The following CCDC57 variants were observed in gnomAD, a reference collection of about 807,000 sequenced individuals.
CCDC57 encodes coiled-coil domain-containing protein 57.
In CCDC57, 118 loss-of-function variants were observed where a neutral mutation model predicts 118.9. The observed-to-expected ratio is 0.99, with a 90% CI of 0.86 to 1.16. The LOEUF (loss-of-function observed/expected upper bound fraction) is 1.16. Ranked by LOEUF, CCDC57 falls within the 50% of genes most tolerant of loss-of-function variation. The pLI is 0.00. For missense variants in CCDC57, 1,300 were observed against 1,320.7 expected (o/e 0.98, Z 0.24); for synonymous variants, 527 against 532.9 (o/e 0.99, Z 0.15).
At chr17:82,199,477 C>CAAAAA (rs55713414) in intron 3 of CCDC57, among the ~76,000 whole-genome samples, 3 of 87,706 alleles carry the variant, frequency 3.4e-5, no homozygotes, top group South Asian at 4.4e-4. Context: ...GACTCTGTCT[C>CAAAAA]AAAAAAAAAA....
At chr17:82,136,846 G>C (rs930837331) in intron 16 of CCDC57, among the ~76,000 whole-genome samples, 1 of 152,106 alleles carries the variant, frequency 6.6e-6, no homozygotes, top group African/African-American at 2.4e-5. Context: ...GCCTCCCAAA[G>C]GGCTGGGATT....
At chr17:82,132,759 CTTTTT>C (rs71166188) in intron 17 of CCDC57, among the ~76,000 whole-genome samples, 1 of 123,948 alleles carries the variant, frequency 8.1e-6, no homozygotes. Flanking sequence ...GACAACCTTG[CTTTTT>C]TTTTTTTTTT....
At chr17:82,105,354 A>T (rs2034773266) in intron 19 of CCDC57, among the ~76,000 whole-genome samples, 1 of 151,930 alleles carries the variant, frequency 6.6e-6, no homozygotes, top group Non-Finnish European at 1.5e-5. Flanking sequence ...CCCAAGATCA[A>T]CCCTTCTCAA....
intron 19 of CCDC57, among the ~76,000 whole-genome samples, chr17:82,111,550 T>C (rs1001871319): frequency 3.3e-5 from 5 of 152,122 alleles, no homozygotes; most frequent in Admixed American, 2.6e-4. Context: ...AGTCTTCTTA[T>C]CTTTTAAAGC....
rs114927409 is a variant in CCDC57 at position 82,127,004 on chromosome 17, C to A, written c.2899+688G>T. 1,142 of 985,358 alleles carry A rather than the reference C, an allele frequency of 1.2e-3. 10 individuals carry two copies. The African/African-American group carries it at 0.018, about 16-fold the overall frequency. The allele number at this position is 985,358 out of a possible 1,614,324, so 61.0% of individuals were successfully genotyped here. ...CTGCCTCGAAGCAGCATCTGTTTCC[C>A]TCCCCCCTTCTCGCTACATCACAGA... On this transcript the variant is annotated intron_variant, in intron 19 of 19. Coordinates refer to ENST00000665763, the Ensembl canonical transcript of CCDC57.
exon 20 of CCDC57, chr17:82,101,829 G>A: frequency 6.3e-7 from 1 of 1,589,824 alleles, no homozygotes; most frequent in Non-Finnish European, 8.6e-7. Flanking sequence ...CCTGCATCTT[G>A]ACGGGCCTCC....
At chr17:82,119,276 A>T (rs1029579281) in intron 19 of CCDC57, among the ~76,000 whole-genome samples, 4 of 152,050 alleles carry the variant, frequency 2.6e-5, no homozygotes. Flanking sequence ...TTTTTGGATA[A>T]TGCTTGGTAG....
chr17:82,163,359 T>C lies in CCDC57; in HGVS notation c.1883-2A>G. On this transcript the variant is annotated splice_acceptor_variant, in intron 13 of 19. Coordinates refer to ENST00000665763, the Ensembl canonical transcript of CCDC57. LOFTEE classifies it high-confidence loss of function. ...CTTGACCAGCTTGGGCAGACCCTCC[T>C]GCAGAGAAGAGTGGCTTCTGTCAGC... The C allele has an allele frequency of 6.2e-7, 1 of 1,613,640 alleles. No individual in the cohort carries two copies.
chr17:82,203,998 G>A (rs988798136), intron 2 of CCDC57, among the ~76,000 whole-genome samples: 3 of 152,210 alleles, frequency 2.0e-5, no homozygotes, highest in African/African-American at 4.8e-5. Context: ...AGCACAAGGA[G>A]GAGGTGGGTA....
intron 7 of CCDC57, among the ~76,000 whole-genome samples, chr17:82,190,316 T>C (rs560057058): frequency 1.3e-5 from 2 of 152,346 alleles, no homozygotes; most frequent in Admixed American, 6.5e-5. Flanking sequence ...ATGGGACCTA[T>C]GCAAAGGTCC....
chr17:82,116,102 C>CTTT (rs34960755), intron 19 of CCDC57, among the ~76,000 whole-genome samples: 3,138 of 127,754 alleles, frequency 0.025, 126 homozygotes, highest in African/African-American at 0.084. Context: ...CGGCCACAAC[C>CTTT]TTTTTTTTTT....
At chr17:82,178,037 C>T (rs1368613739) in intron 11 of CCDC57, among the ~76,000 whole-genome samples, 1 of 152,178 alleles carries the variant, frequency 6.6e-6, no homozygotes, top group African/African-American at 2.4e-5. Context: ...GACATGGTGC[C>T]AACCTCCAAG....
rs71166198 is a variant in CCDC57 at position 82,184,031 on chromosome 17, GCACACACACACACACACA to G, written c.1053-117_1053-100del. Reference sequence around the variant, plus strand: ...CAAATACACATGCGCGCGCGCGCGCGCACACACACACACACACACACACACACACACACACACACACAC... The same window carrying G: ...CAAATACACATGCGCGCGCGCGCGCGCACACACACACACACACACACACAC... On this transcript the variant is annotated intron_variant, in intron 8 of 19. Coordinates refer to ENST00000665763, the Ensembl canonical transcript of CCDC57. The G allele has an allele frequency of 4.2e-4, 56 of 131,856 alleles. 1 individual carries two copies. The highest frequency in any genetic ancestry group is 1.1e-3 in the African/African-American group (26 of 23,674). 8.2% of individuals were successfully genotyped at this position (131,856 alleles called of 1,614,324 possible).
chr17:82,195,392 G>A, intron 4 of CCDC57, 28 bp from the exon 4 acceptor site: 1 of 1,543,470 alleles, frequency 6.5e-7, no homozygotes, highest in Non-Finnish European at 8.8e-7. Context: ...CATGATGAAA[G>A]AACAGTGGGA....
chr17:82,148,106 GATAAGTGGT>G (rs1324147238), intron 16 of CCDC57, among the ~76,000 whole-genome samples: 1 of 134,436 alleles, frequency 7.4e-6, no homozygotes, highest in African/African-American at 2.8e-5. Flanking sequence ...GGGTGGGTGG[GATAAGTGGT>G]TGGATGGTTA....
At chr17:82,184,029 GCGCACACACACACACACACACACACA>G in intron 8 of CCDC57, 97 bp from the exon 8 acceptor site, 5 of 235,814 alleles carry the variant, frequency 2.1e-5, no homozygotes, top group African/African-American at 4.3e-5. Context: ...GCGCGCGCGC[GCGCACACACACACACACACACACACA>G]CACACACACA....
intron 19 of CCDC57, among the ~76,000 whole-genome samples, chr17:82,106,875 G>A (rs1334760349): frequency 6.6e-6 from 1 of 152,194 alleles, no homozygotes; most frequent in Non-Finnish European, 1.5e-5. Flanking sequence ...GGCCCATGGG[G>A]CCTTCCCAGG....
chr17:82,171,996 C>T (rs553061079), intron 12 of CCDC57, 143 bp from the exon 12 acceptor site: 23 of 840,790 alleles, frequency 2.7e-5, no homozygotes, highest in Admixed American at 1.6e-4. Context: ...ACAGCTTCAC[C>T]GTAGTTTCCA....
chr17:82,152,301 T>TC (rs1237102112), intron 15 of CCDC57: 1 of 156,700 alleles, frequency 6.4e-6, no homozygotes, highest in African/African-American at 2.4e-5. Context: ...CTCCTTGGGG[T>TC]CCCTCCTTTC....
Sources: gnomAD v4.1 joint callset for allele counts (sites outside exome capture counted in the v4.1 genomes callset) on GRCh38, gnomAD v4.1.1 for gene constraint, MANE v1.5 for transcripts, NCBI Gene and HGNC (gene_info 2026-07-23, HGNC 2026-07-21) for gene names.